The following RYR3 variants were observed in gnomAD, a reference collection of about 807,000 sequenced individuals.
The protein encoded by RYR3 is ryanodine receptor 3.
RYR3 carries 207 observed loss-of-function variants against 584.3 expected under a neutral mutation model. That is an observed-to-expected ratio of 0.35 (90% CI 0.32 to 0.40). The LOEUF (loss-of-function observed/expected upper bound fraction) is 0.40, where lower values mean the gene tolerates loss of function less well. Among genes scored for constraint, RYR3 ranks in the 10% least tolerant of loss-of-function variants. The pLI, the probability that RYR3 is intolerant of heterozygous loss-of-function variation, is 1.00. For synonymous variants in RYR3, 2,416 were observed against 2,248.5 expected (o/e 1.07, Z -2.11); for missense variants, 5,616 against 6,089.2 (o/e 0.92, Z 2.59).
intron 46 of RYR3, among the ~76,000 whole-genome samples, chr15:33,726,747 C>T (rs2068493064): frequency 6.6e-6 from 1 of 152,356 alleles, no homozygotes; most frequent in Non-Finnish European, 1.5e-5. Flanking sequence ...TAGCATTTGC[C>T]CATTTCTGTG....
At chr15:33,432,177 AAGGTAAGCATCACAAGC>A (rs1214958680) in intron 1 of RYR3, among the ~76,000 whole-genome samples, 2 of 152,156 alleles carry the variant, frequency 1.3e-5, no homozygotes, top group Non-Finnish European at 2.9e-5. Flanking sequence ...GGAGAAAGCC[AAGGTAAGCATCACAAGC>A]AGGAGCTTGT....
At chr15:33,411,538 C>G (rs1290037490) in intron 1 of RYR3, among the ~76,000 whole-genome samples, 1 of 152,204 alleles carries the variant, frequency 6.6e-6, no homozygotes, top group Non-Finnish European at 1.5e-5. Flanking sequence ...GCCACCTGTT[C>G]CTTGGGCATG....
intron 43 of RYR3, among the ~76,000 whole-genome samples, chr15:33,708,397 T>G (rs1382495732): frequency 6.6e-6 from 1 of 152,204 alleles, no homozygotes; most frequent in African/African-American, 2.4e-5. Context: ...ACCATCTACC[T>G]GGATCGTGAA....
At position 33,742,407 on chromosome 15, in the gene RYR3, A is replaced by T. The variant is rs538327874; in HGVS notation, c.7862A>T (p.Tyr2621Phe). The T allele has an allele frequency of 2.4e-4, 393 of 1,613,284 alleles. 5 individuals carry two copies. The South Asian group carries it at 3.9e-3, about 16-fold the overall frequency. ...PEKLEYIVTK[Y>F]AEHSHDKWAC... is the part of the protein sequence containing the mutation. Reference sequence around the variant, plus strand: ...AAATTGGAATACATCGTCACCAAGTATGCTGAGCATTCACATGATAAATGG... The same window carrying T: ...AAATTGGAATACATCGTCACCAAGTTTGCTGAGCATTCACATGATAAATGG... Residue 2621 changes from tyrosine to phenylalanine, a missense_variant, in exon 52 of 104, where the codon TAT becomes TTT. By Grantham distance (22) the Tyr-to-Phe change is conservative. Coordinates refer to ENST00000634891, the MANE Select transcript of RYR3 (RefSeq NM_001036.6).
chr15:33,798,241 A>G (rs900292724), intron 67 of RYR3, among the ~76,000 whole-genome samples: 4 of 152,150 alleles, frequency 2.6e-5, no homozygotes, highest in Non-Finnish European at 5.9e-5. Flanking sequence ...GGTGCCCACC[A>G]CCATGCAAAG....
At position 33,860,587 on chromosome 15, in the gene RYR3, C is replaced by T. The variant is rs752879880; in HGVS notation, c.14300-8C>T. On this transcript the variant is annotated splice_polypyrimidine_tract_variant and splice_region_variant and intron_variant, in intron 100 of 103. Transcript: ENST00000634891. ...CAGATTGCTTTGTCTTTGTATTTAA[C>T]ATTCCAGGTCTTATTATTGATGCTT... The T allele has an allele frequency of 8.3e-6, 13 of 1,563,354 alleles. No individual in the cohort carries two copies. Among genetic ancestry groups the T allele is most frequent in the East Asian group, 2.3e-5 (1 of 43,704 alleles).
At chr15:33,556,036 G>C (rs1043621322) in intron 10 of RYR3, among the ~76,000 whole-genome samples, 4 of 45,152 alleles carry the variant, frequency 8.9e-5, no homozygotes, top group Admixed American at 2.6e-4. Context: ...CCAGAGACAC[G>C]TGGAAATAGT....
At chr15:33,343,625 A>T (rs1372917065) in intron 1 of RYR3, among the ~76,000 whole-genome samples, 1 of 152,202 alleles carries the variant, frequency 6.6e-6, no homozygotes, top group Non-Finnish European at 1.5e-5. Context: ...AATTGTTGTT[A>T]TCAGTGGAAA....
At position 33,826,841 on chromosome 15, in the gene RYR3, T is replaced by C. The variant is rs1355046815; in HGVS notation, c.11245+89T>C. 6 of 888,400 alleles carry C rather than the reference T, an allele frequency of 6.8e-6. No individual in the cohort carries two copies. The East Asian group carries it at 1.4e-4, about 21-fold the overall frequency. 55.0% of individuals were successfully genotyped at this position (888,400 alleles called of 1,614,324 possible). On this transcript the variant is annotated intron_variant, in intron 84 of 103. Transcript: ENST00000634891. ...AGTATGCCCCATTTGATGCAACTAG[T>C]TGTTAACTCAAGGACATCAGTTAAT...
intron 86 of RYR3, among the ~76,000 whole-genome samples, chr15:33,834,323 CAGTG>C (rs140208275): frequency 0.062 from 6,721 of 109,056 alleles, 190 homozygotes; most frequent in Admixed American, 0.12. Flanking sequence ...CACACACACA[CAGTG>C]AGATTAACAT....
At chr15:33,596,506 G>GGGGGT (rs778741495) in intron 16 of RYR3, among the ~76,000 whole-genome samples, 1 of 129,786 alleles carries the variant, frequency 7.7e-6, no homozygotes, top group Non-Finnish European at 1.7e-5. Context: ...GGGGGGGGGG[G>GGGGGT]ATTTCTGACT....
intron 67 of RYR3, among the ~76,000 whole-genome samples, chr15:33,799,842 C>T (rs182013646): frequency 6.6e-6 from 1 of 152,264 alleles, no homozygotes; most frequent in East Asian, 1.9e-4. Flanking sequence ...GTAGGACATT[C>T]AGTCAGTGTC....
intron 33 of RYR3, 52 bp from the exon 34 acceptor site, chr15:33,660,145 G>A (rs1258390577): frequency 1.5e-5 from 19 of 1,281,176 alleles, no homozygotes; most frequent in African/African-American, 4.4e-5. Context: ...GTCTGGGTGC[G>A]TCATCCAGCA....
intron 81 of RYR3, among the ~76,000 whole-genome samples, chr15:33,824,546 T>C (rs760941192): frequency 6.6e-6 from 1 of 152,220 alleles, no homozygotes; most frequent in Non-Finnish European, 1.5e-5. Flanking sequence ...TTTGTGTTGA[T>C]GAGCAAGCCC....
intron 37 of RYR3, among the ~76,000 whole-genome samples, chr15:33,670,007 G>T (rs1479095903): frequency 6.6e-6 from 1 of 152,066 alleles, no homozygotes; most frequent in Non-Finnish European, 1.5e-5. Flanking sequence ...TTGTACATGG[G>T]TAGGTTTAAT....
chr15:33,432,616 T>C (rs1365624510), intron 1 of RYR3, among the ~76,000 whole-genome samples: 1 of 150,994 alleles, frequency 6.6e-6, no homozygotes, highest in Non-Finnish European at 1.5e-5. Context: ...TTTTTTTTTT[T>C]TTTGAGACGG....
intron 74 of RYR3, among the ~76,000 whole-genome samples, chr15:33,815,608 A>C (rs2076775043): frequency 6.6e-6 from 1 of 152,182 alleles, no homozygotes; most frequent in Non-Finnish European, 1.5e-5. Context: ...TCCCTAACTC[A>C]GTTGTTTTAG....
At chr15:33,432,701 A>C in intron 1 of RYR3, among the ~76,000 whole-genome samples, 1 of 87,748 alleles carries the variant, frequency 1.1e-5, no homozygotes, top group Non-Finnish European at 2.1e-5. Context: ...TGTGTGTTTA[A>C]AGTAGAGATG....
intron 93 of RYR3, among the ~76,000 whole-genome samples, chr15:33,845,820 G>A (rs772498122): frequency 6.6e-6 from 1 of 152,206 alleles, no homozygotes; most frequent in African/African-American, 2.4e-5. Context: ...GCTTACTGAT[G>A]TGTTAGTTTT....
Sources: gnomAD v4.1 joint callset for allele counts (sites outside exome capture counted in the v4.1 genomes callset) on GRCh38, gnomAD v4.1.1 for gene constraint, MANE v1.5 for transcripts, NCBI Gene and HGNC (gene_info 2026-07-23, HGNC 2026-07-21) for gene names.